The following IRS1 variants were observed in gnomAD, a reference collection of about 807,000 sequenced individuals.
IRS1 encodes insulin receptor substrate 1.
A neutral mutation model predicts 65.6 loss-of-function variants in IRS1; 34 were observed. That is an observed-to-expected ratio of 0.52 (90% CI 0.39 to 0.69). The LOEUF (loss-of-function observed/expected upper bound fraction) is 0.69. IRS1 is among the 30% of genes least tolerant of loss of function. IRS1 has a pLI of 0.00. For synonymous variants in IRS1, 699 were observed against 683.5 expected (o/e 1.02, Z -0.35); for missense variants, 1,641 against 1,720.2 (o/e 0.95, Z 0.81).
intron 1 of IRS1, among the ~76,000 whole-genome samples, chr2:226,786,647 A>T (rs537195053): frequency 2.6e-5 from 4 of 151,348 alleles, no homozygotes; most frequent in African/African-American, 9.7e-5. Flanking sequence ...TTAAAAAAAA[A>T]AAAACAAAAA....
intron 1 of IRS1, among the ~76,000 whole-genome samples, chr2:226,739,949 T>G (rs1938403583): frequency 6.6e-6 from 1 of 152,242 alleles, no homozygotes; most frequent in African/African-American, 2.4e-5. Context: ...CGCATAGGCG[T>G]ACATATGTTT....
intron 1 of IRS1, among the ~76,000 whole-genome samples, chr2:226,756,959 T>TAATAAATAAATA (rs71036150): frequency 3.8e-4 from 55 of 145,250 alleles, no homozygotes; most frequent in East Asian, 2.4e-3. Context: ...AGACTCCGTC[T>TAATAAATAAATA]AATAAATAAA....
At position 226,798,832 on chromosome 2, in the gene IRS1, A is replaced by G; in HGVS notation, c.-94T>C. The G allele has an allele frequency of 6.5e-7, 1 of 1,548,034 alleles. No individual in the cohort carries two copies. Among genetic ancestry groups the G allele is most frequent in the Non-Finnish European group, 8.7e-7 (1 of 1,146,870 alleles). Reference sequence around the variant, plus strand: ...CTCCTCGCCGCGGCCCGGCACATGCAAACAGGGCTGGAGGCAGCAGAAACC... The same window carrying G: ...CTCCTCGCCGCGGCCCGGCACATGCGAACAGGGCTGGAGGCAGCAGAAACC... On this transcript the variant is annotated 5_prime_UTR_variant, in exon 1 of 2. Coordinates refer to ENST00000305123, the MANE Select transcript of IRS1 (RefSeq NM_005544.3). This position sits in a 1 kb window ranked among gnomAD's most constrained non-coding sequence, Gnocchi z 9.4.
intron 1 of IRS1, among the ~76,000 whole-genome samples, chr2:226,760,701 T>C (rs1938900759): frequency 6.6e-6 from 1 of 152,170 alleles, no homozygotes; most frequent in African/African-American, 2.4e-5. Context: ...CATGCATGCA[T>C]ACACAAGGCT....
In IRS1 at chr2:226,798,318, C is replaced by T. The variant is rs779847464; in HGVS notation, c.421G>A (p.Gly141Ser). 8.7e-6 allele frequency: 14 copies of T among 1,613,266 alleles called. No homozygotes were observed. In the East Asian group the frequency reaches 2.9e-4, roughly 33 times the overall value. Residue 141 changes from glycine to serine, a missense_variant, in exon 1 of 2, where the codon GGC becomes AGC. By Grantham distance (56) the Gly-to-Ser change is moderately conservative. Coordinates refer to ENST00000305123, the MANE Select transcript of IRS1 (RefSeq NM_005544.3). The surrounding 1 kb of genome is among the most constrained non-coding windows in gnomAD (Gnocchi z 9.4). The part of the protein sequence containing the change: ...GGGGSCSGSS[G>S]LGEAGEDLSY... ...AAGTCCTCCCCAGCCTCACCAAGGC[C>T]GGAGCTGCCGCTGCAGCTGCCCCCA...
intron 1 of IRS1, among the ~76,000 whole-genome samples, chr2:226,777,707 T>C (rs1939301050): frequency 6.6e-6 from 1 of 152,188 alleles, no homozygotes; most frequent in African/African-American, 2.4e-5. Context: ...AACGGGGGTT[T>C]CTCTGCACAA....
chr2:226,791,646 C>T (rs1939604626), intron 1 of IRS1, among the ~76,000 whole-genome samples: 1 of 151,964 alleles, frequency 6.6e-6, no homozygotes, highest in African/African-American at 2.4e-5. Flanking sequence ...GCCCGCCCGC[C>T]ACCACCGCCA....
intron 1 of IRS1, among the ~76,000 whole-genome samples, chr2:226,789,127 A>T (rs904364546): frequency 2.6e-5 from 4 of 152,228 alleles, no homozygotes; most frequent in Admixed American, 6.5e-5. Flanking sequence ...TAAAACTGTG[A>T]AATGTTCCAA....
chr2:226,736,322 C>A (rs1218015186), intron 1 of IRS1, 72 bp from the exon 2 acceptor site: 1 of 152,184 alleles, frequency 6.6e-6, no homozygotes, highest in Admixed American at 6.6e-5. Context: ...TAGAACCTTT[C>A]TTTTACAAGG....
At chr2:226,757,482 G>A (rs1262903888) in intron 1 of IRS1, among the ~76,000 whole-genome samples, 3 of 151,678 alleles carry the variant, frequency 2.0e-5, no homozygotes, top group Admixed American at 1.3e-4. Flanking sequence ...CAGGCATGGT[G>A]GGGTGTGCCT....
intron 1 of IRS1, among the ~76,000 whole-genome samples, chr2:226,746,836 C>G (rs956161185): frequency 1.4e-4 from 20 of 142,278 alleles, no homozygotes; most frequent in Non-Finnish European, 2.4e-4. Context: ...GTCACCCAGG[C>G]TGGGCTGCAG....
chr2:226,776,768 A>G (rs1013160960), intron 1 of IRS1, among the ~76,000 whole-genome samples: 1 of 152,114 alleles, frequency 6.6e-6, no homozygotes, highest in Non-Finnish European at 1.5e-5. Flanking sequence ...TTAGCCTGGC[A>G]TGGTGGCGCA....
rs35909627 is a variant in IRS1, at chr2:226,796,060, C to G, written c.2679G>C (p.Pro893=). Residue 893 remains proline, a synonymous_variant, in exon 1 of 2, where the codon CCG becomes CCC. Coordinates refer to ENST00000305123, the MANE Select transcript of IRS1 (RefSeq NM_005544.3). ...CAAATTCAATATTGACATATTCCCC[C>G]GGGCTCTTGGGCTCTGGAGGGTGCA... The part of the protein sequence containing the change: ...PLLHPPEPKS[P]GEYVNIEFGS... 28,972 of 1,614,000 alleles carry G rather than the reference C, an allele frequency of 0.018. 347 individuals carry two copies. Among genetic ancestry groups the G allele is most frequent in the Middle Eastern group, 0.037 (223 of 6,062 alleles).
chr2:226,792,992 T>C (rs1218802185), intron 1 of IRS1, among the ~76,000 whole-genome samples: 1 of 152,214 alleles, frequency 6.6e-6, no homozygotes, highest in Non-Finnish European at 1.5e-5. Flanking sequence ...CATGGTCGAT[T>C]GTTACTCCAG....
intron 1 of IRS1, among the ~76,000 whole-genome samples, chr2:226,774,338 G>A (rs761081551): frequency 8.5e-5 from 13 of 152,172 alleles, no homozygotes; most frequent in Admixed American, 2.0e-4. Flanking sequence ...GATCACAGTG[G>A]TTCCAAGGTG....
chr2:226,788,884 TAAGGTAACG>T (rs1358551329), intron 1 of IRS1, among the ~76,000 whole-genome samples: 1 of 152,174 alleles, frequency 6.6e-6, no homozygotes, highest in Non-Finnish European at 1.5e-5. Context: ...TATGGACTAA[TAAGGTAACG>T]AAGGAATAAA....
rs1283352971 is a variant in IRS1, at chr2:226,735,838, T to C, written c.*434A>G. On this transcript the variant is annotated 3_prime_UTR_variant, in exon 2 of 2. Transcript: ENST00000305123. ...TATTTAATACTCTCTCCACCCAACG[T>C]GAACAGTTTTGTATGAAATAATTTA... is the stretch of plus-strand genomic sequence containing the variant. 1.3e-5 allele frequency: 2 copies of C among 152,630 alleles called. No individual in the cohort carries two copies. Among genetic ancestry groups the C allele is most frequent in the Non-Finnish European group, 2.9e-5 (2 of 68,038 alleles). The allele number at this position is 152,630 out of a possible 1,614,324, so 9.5% of individuals were successfully genotyped here.
intron 1 of IRS1, among the ~76,000 whole-genome samples, chr2:226,782,763 G>T (rs1429791374): frequency 1.3e-5 from 2 of 152,202 alleles, no homozygotes; most frequent in Admixed American, 6.5e-5. Flanking sequence ...CATTTTGGGA[G>T]GCCAAGGTGG....
chr2:226,795,673 C>T lies in IRS1; in HGVS notation c.3066G>A (p.Glu1022=). 6.2e-7 allele frequency: 1 copy of T among 1,613,196 alleles called. No homozygotes were observed. Among genetic ancestry groups the T allele is most frequent in the Non-Finnish European group, 8.5e-7 (1 of 1,179,992 alleles). Residue 1022 remains glutamate, a synonymous_variant, in exon 1 of 2, where the codon GAG becomes GAA. Transcript: ENST00000305123. ...YADMRTGIAA[E]EVSLPRATMA... The stretch of plus-strand genomic sequence containing the variant: ...TGGTGGCCCTGGGCAGGCTCACCTC[C>T]TCTGCAGCAATGCCTGTTCGCATGT...
Sources: allele counts gnomAD v4.1 joint callset (sites outside exome capture counted in the v4.1 genomes callset), GRCh38; gene constraint gnomAD v4.1.1; non-coding constraint Gnocchi (gnomAD v3.1); transcripts MANE v1.5; gene names NCBI Gene and HGNC (gene_info 2026-07-23, HGNC 2026-07-21).